RBFOX3: variants seen among roughly 807,000 people sequenced by gnomAD.
RBFOX3 encodes the protein RNA binding protein fox-1 homolog 3.
Under a neutral mutation model 48.7 loss-of-function variants are expected in RBFOX3, and 17 were observed. The ratio of observed to expected loss-of-function variants is 0.35; its 90% CI spans 0.24 to 0.52. The LOEUF is 0.52. Among genes scored for constraint, RBFOX3 ranks in the 20% least tolerant of loss-of-function variants. RBFOX3 has a pLI of 0.94. For missense variants in RBFOX3, 382 were observed against 497.5 expected, an observed-to-expected ratio of 0.77 and a Z score of 2.21; for synonymous variants, 212 against 209.5, an observed-to-expected ratio of 1.01 and a Z score of -0.10.
chr17:79,102,224 G>C (rs1226849682), intron 8 of RBFOX3, among the ~76,000 whole-genome samples: 1 of 152,220 alleles, frequency 6.6e-6, no homozygotes, highest in Non-Finnish European at 1.5e-5. Flanking sequence ...GCCTGGGTGA[G>C]GCTGTCCAGG....
At chr17:79,557,213 G>A (rs2091830571) in intron 1 of RBFOX3, among the ~76,000 whole-genome samples, 1 of 129,914 alleles carries the variant, frequency 7.7e-6, no homozygotes, top group East Asian at 2.3e-4. Context: ...GTGACAGAGT[G>A]AGACACTGTC....
chr17:79,263,160 G>C (rs537794285), intron 3 of RBFOX3, among the ~76,000 whole-genome samples: 2 of 152,274 alleles, frequency 1.3e-5, no homozygotes, highest in African/African-American at 2.4e-5. Context: ...TGGATGCTGG[G>C]GTACCCCCCC....
chr17:79,158,125 C>G (rs1261384947), intron 4 of RBFOX3, among the ~76,000 whole-genome samples: 1 of 147,224 alleles, frequency 6.8e-6, no homozygotes, highest in Non-Finnish European at 1.5e-5. Flanking sequence ...CATAGACACA[C>G]ACAGACAGAC....
At chr17:79,508,043 G>A (rs1405475917) in intron 1 of RBFOX3, among the ~76,000 whole-genome samples, 11 of 152,240 alleles carry the variant, frequency 7.2e-5, no homozygotes, top group Admixed American at 5.2e-4. Context: ...GGTCTGGCCC[G>A]TGGATTTAGG....
rs76925133 is a variant in RBFOX3, at chr17:79,110,962, T to C, written c.223-4174A>G. ...CAGCCACGGCCTACCCCTCACCCCT[T>C]CCATAAGCTGTGAGAGCCAAGAACA... On this transcript the variant is annotated intron_variant, in intron 5 of 14. Transcript: ENST00000693108. Among the ~76,000 whole-genome samples the C allele has an allele frequency of 7.7e-3, 1,169 of 152,266 alleles. 14 individuals carry two copies. Among genetic ancestry groups the C allele is most frequent in the African/African-American group, 0.027 (1,110 of 41,566 alleles).
chr17:79,094,688 C>T (rs2074798990), intron 13 of RBFOX3, among the ~76,000 whole-genome samples, 159 bp from the exon 14 acceptor site: 1 of 151,484 alleles, frequency 6.6e-6, no homozygotes, highest in Non-Finnish European at 1.5e-5. Flanking sequence ...CCTGCAAGGC[C>T]TACCCCTCCT....
At chr17:79,283,527 C>A (rs910452611) in intron 3 of RBFOX3, among the ~76,000 whole-genome samples, 1 of 150,116 alleles carries the variant, frequency 6.7e-6, no homozygotes, top group Non-Finnish European at 1.5e-5. Context: ...CCTCGGCCTC[C>A]CAAAGTGCTG....
At chr17:79,527,867 C>T (rs1382686868) in intron 1 of RBFOX3, among the ~76,000 whole-genome samples, 3 of 152,274 alleles carry the variant, frequency 2.0e-5, no homozygotes, top group Admixed American at 6.5e-5. Context: ...AGGGAAGGGG[C>T]GGTTCGGGGT....
intron 1 of RBFOX3, among the ~76,000 whole-genome samples, chr17:79,519,590 C>T (rs910064528): frequency 4.3e-4 from 65 of 152,340 alleles, no homozygotes; most frequent in Admixed American, 3.7e-3. Flanking sequence ...CACTGTCAAG[C>T]GTCAGTCTTA....
At chr17:79,157,244 T>C (rs981953803) in intron 4 of RBFOX3, among the ~76,000 whole-genome samples, 5 of 152,194 alleles carry the variant, frequency 3.3e-5, no homozygotes, top group African/African-American at 1.2e-4. Flanking sequence ...CCCTCTGCTT[T>C]TGCCCTGGCC....
chr17:79,146,202 AG>A (rs2043007801), intron 4 of RBFOX3, among the ~76,000 whole-genome samples: 1 of 152,096 alleles, frequency 6.6e-6, no homozygotes, highest in Non-Finnish European at 1.5e-5. Context: ...CAAGCCATGG[AG>A]GGGTTGAAGA....
intron 1 of RBFOX3, among the ~76,000 whole-genome samples, chr17:79,570,553 C>T (rs1038422139): frequency 5.6e-4 from 86 of 152,306 alleles, no homozygotes; most frequent in African/African-American, 1.0e-3. Context: ...AACTTCTGAG[C>T]GGGCCTGCCT....
At chr17:79,157,572 T>C (rs537673089) in intron 4 of RBFOX3, among the ~76,000 whole-genome samples, 55 of 152,098 alleles carry the variant, frequency 3.6e-4, no homozygotes, top group Non-Finnish European at 7.4e-4. Context: ...GGGGGTGAGG[T>C]TGTACAGGGG....
chr17:79,176,714 G>A (rs908197380), intron 4 of RBFOX3, among the ~76,000 whole-genome samples: 41 of 152,252 alleles, frequency 2.7e-4, no homozygotes, highest in Admixed American at 2.4e-3. Flanking sequence ...GAATCTTCCG[G>A]GAGGAAGTAG....
intron 1 of RBFOX3, among the ~76,000 whole-genome samples, chr17:79,608,655 C>T (rs1167108708): frequency 6.6e-6 from 1 of 152,202 alleles, no homozygotes; most frequent in African/African-American, 2.4e-5. Flanking sequence ...TGCTCCTTAA[C>T]CCCTTCAGTG....
intron 4 of RBFOX3, 43 bp from the exon 5 acceptor site, chr17:79,115,791 C>T (rs2033763699): frequency 3.2e-6 from 2 of 616,004 alleles, no homozygotes; most frequent in African/African-American, 1.9e-5. Context: ...AATCTTGTCC[C>T]CTTCCCGGAG....
chr17:79,338,221 G>C (rs2081500668), intron 2 of RBFOX3, among the ~76,000 whole-genome samples: 5 of 152,158 alleles, frequency 3.3e-5, no homozygotes. Flanking sequence ...TTACAGGCAT[G>C]AGCCACCGCG....
At chr17:79,126,662 G>A (rs529236641) in intron 4 of RBFOX3, among the ~76,000 whole-genome samples, 10 of 152,310 alleles carry the variant, frequency 6.6e-5, no homozygotes, top group Admixed American at 5.2e-4. Context: ...GTCTCTGGCT[G>A]CAATTGAGCA....
At chr17:79,414,942 C>T (rs907897) in intron 2 of RBFOX3, among the ~76,000 whole-genome samples, 41,847 of 152,028 alleles carry the variant, frequency 0.28, 6,512 homozygotes, top group Non-Finnish European at 0.36. Context: ...GTCCAGCTCC[C>T]GTTCCCAGAG....
Sources: allele counts gnomAD v4.1 joint callset (sites outside exome capture counted in the v4.1 genomes callset), GRCh38; gene constraint gnomAD v4.1.1; transcripts MANE v1.5; gene names NCBI Gene and HGNC (gene_info 2026-07-23, HGNC 2026-07-21).